Variants in PLCE1 observed in about 807,000 individuals in gnomAD.
The protein encoded by PLCE1 is phospholipase C epsilon 1.
Under a neutral mutation model 242.8 loss-of-function variants are expected in PLCE1, and 119 were observed. The observed-to-expected ratio is 0.49, with a 90% CI of 0.42 to 0.57. PLCE1 has a LOEUF of 0.57. PLCE1 is among the 20% of genes least tolerant of loss of function. PLCE1 has a pLI of 0.00. For missense variants in PLCE1, 2,441 were observed against 2,788.8 expected (o/e 0.88, Z 2.81); for synonymous variants, 945 against 1,017.4 (o/e 0.93, Z 1.35).
intron 3 of PLCE1, among the ~76,000 whole-genome samples, chr10:94,146,178 A>G (rs1416327953): frequency 6.6e-6 from 1 of 152,146 alleles, no homozygotes; most frequent in Admixed American, 6.5e-5. Flanking sequence ...GGAGAGTGGC[A>G]CTTACAAACC....
rs548065167 is a variant in PLCE1, at chr10:94,185,618, A to G, written c.1809+14122A>G. Among the ~76,000 whole-genome samples, 7 of 152,366 alleles carry G rather than the reference A, an allele frequency of 4.6e-5. No homozygotes were observed. The East Asian group carries it at 5.8e-4, about 13-fold the overall frequency. The stretch of plus-strand genomic sequence containing the variant: ...ATATTTCTCATCTATGAAGTGGGAT[A>G]ATTTAATTAATTTCACATGGTTATG... On this transcript the variant is annotated intron_variant, in intron 4 of 32. Transcript: ENST00000371380.
chr10:94,064,568 A>T (rs1301031194), intron 2 of PLCE1, among the ~76,000 whole-genome samples: 1 of 152,112 alleles, frequency 6.6e-6, no homozygotes. Context: ...AAAGACCATG[A>T]GCCTTACAAA....
chr10:94,260,430 C>G (rs562509507), intron 13 of PLCE1, among the ~76,000 whole-genome samples: 9 of 152,132 alleles, frequency 5.9e-5, no homozygotes, highest in Non-Finnish European at 1.2e-4. Context: ...ACTATAAACA[C>G]AAATAGCAAA....
At chr10:94,205,662 T>A (rs527992904) in intron 4 of PLCE1, among the ~76,000 whole-genome samples, 2 of 152,356 alleles carry the variant, frequency 1.3e-5, no homozygotes, top group South Asian at 4.1e-4. Flanking sequence ...TTCATGGCAA[T>A]ATCCTAATGC....
intron 1 of PLCE1, among the ~76,000 whole-genome samples, chr10:94,006,943 AG>A (rs1331010016): frequency 6.6e-6 from 1 of 152,240 alleles, no homozygotes; most frequent in Non-Finnish European, 1.5e-5. Flanking sequence ...ATGTATGCAA[AG>A]GATCTGAATT....
intron 4 of PLCE1, among the ~76,000 whole-genome samples, chr10:94,209,278 T>TA (rs1245203992): frequency 6.6e-6 from 1 of 152,242 alleles, no homozygotes; most frequent in African/African-American, 2.4e-5. Context: ...TCTAGTAACT[T>TA]AGAGTTAAAA....
intron 22 of PLCE1, among the ~76,000 whole-genome samples, chr10:94,287,804 C>T (rs2052512283): frequency 6.6e-6 from 1 of 151,984 alleles, no homozygotes; most frequent in Admixed American, 6.6e-5. Context: ...CCCACAAGCT[C>T]CCCTGCATCC....
intron 5 of PLCE1, among the ~76,000 whole-genome samples, chr10:94,228,856 T>C (rs999774989): frequency 2.0e-5 from 3 of 152,062 alleles, no homozygotes; most frequent in African/African-American, 7.2e-5. Context: ...ATCCAGATGA[T>C]TTAGATTCTC....
chr10:94,038,834 C>A (rs1289508854), intron 2 of PLCE1, among the ~76,000 whole-genome samples: 2 of 152,136 alleles, frequency 1.3e-5, no homozygotes, highest in Non-Finnish European at 2.9e-5. Context: ...AGAACATTTT[C>A]ATCATCTCAA....
chr10:94,205,691 C>A (rs985970007), intron 4 of PLCE1, among the ~76,000 whole-genome samples: 2 of 152,200 alleles, frequency 1.3e-5, no homozygotes, highest in African/African-American at 4.8e-5. Context: ...GGATGAGCAG[C>A]CCCAAAATGC....
intron 1 of PLCE1, among the ~76,000 whole-genome samples, chr10:94,021,407 G>A (rs2061375261): frequency 6.6e-6 from 1 of 151,368 alleles, no homozygotes; most frequent in South Asian, 2.1e-4. Context: ...TTATATTCTG[G>A]CCTATAATCC....
At chr10:94,266,449 C>T (rs190133542) in intron 16 of PLCE1, among the ~76,000 whole-genome samples, 1 of 151,742 alleles carries the variant, frequency 6.6e-6, no homozygotes, top group African/African-American at 2.4e-5. Context: ...AGAAAAAAAT[C>T]TACACAGACT....
At chr10:94,135,712 C>T (rs1254985984) in intron 3 of PLCE1, among the ~76,000 whole-genome samples, 2 of 152,182 alleles carry the variant, frequency 1.3e-5, no homozygotes, top group Non-Finnish European at 2.9e-5. Context: ...TGTTGGAATA[C>T]TGAGCATTAG....
At chr10:94,160,564 C>T (rs912607974) in intron 3 of PLCE1, among the ~76,000 whole-genome samples, 12 of 152,074 alleles carry the variant, frequency 7.9e-5, no homozygotes, top group South Asian at 2.1e-4. Flanking sequence ...TCCCATTCTG[C>T]AGGTTGCCTG....
At position 94,163,329 on chromosome 10, in the gene PLCE1, T is replaced by G. The variant is rs1410132365; in HGVS notation, c.1493-7851T>G. Among the ~76,000 whole-genome samples, 3 of 152,222 alleles carry G rather than the reference T, an allele frequency of 2.0e-5. No homozygotes were observed. The East Asian group carries it at 5.8e-4, about 29-fold the overall frequency. On this transcript the variant is annotated intron_variant, in intron 3 of 32. Coordinates refer to ENST00000371380, the MANE Select transcript of PLCE1 (RefSeq NM_016341.4). ...GGTCTCTAAGGACTTGCTTTATGAA[T>G]CTGGGTGCTCCTGTATTGGGTGCAC...
chr10:94,309,509 A>G (rs956024788), intron 27 of PLCE1, among the ~76,000 whole-genome samples: 2 of 152,022 alleles, frequency 1.3e-5, no homozygotes, highest in Admixed American at 1.3e-4. Context: ...GTTTTTCTAT[A>G]GAGATGGGGT....
intron 7 of PLCE1, among the ~76,000 whole-genome samples, chr10:94,239,743 T>A (rs950557682): frequency 1.3e-5 from 2 of 151,912 alleles, no homozygotes; most frequent in African/African-American, 4.8e-5. Context: ...CCCATAGGGA[T>A]AGGAAAAAAA....
chr10:94,078,514 G>A (rs906184271), intron 2 of PLCE1, among the ~76,000 whole-genome samples: 2 of 151,274 alleles, frequency 1.3e-5, no homozygotes, highest in African/African-American at 4.9e-5. Context: ...TTGAGACAGA[G>A]TCTCGCTCTG....
chr10:94,045,472 T>G (rs1424695970), intron 2 of PLCE1, among the ~76,000 whole-genome samples: 1 of 152,146 alleles, frequency 6.6e-6, no homozygotes, highest in African/African-American at 2.4e-5. Flanking sequence ...GTCCCTTGCT[T>G]TATGGATAAA....
Sources: gnomAD v4.1 joint callset for allele counts (sites outside exome capture counted in the v4.1 genomes callset) on GRCh38, gnomAD v4.1.1 for gene constraint, MANE v1.5 for transcripts, NCBI Gene and HGNC (gene_info 2026-07-23, HGNC 2026-07-21) for gene names.